Variants in PCDH9 observed in about 807,000 individuals in gnomAD.
The protein encoded by PCDH9 is protocadherin-9.
Under a neutral mutation model 70.6 loss-of-function variants are expected in PCDH9, and 24 were observed. The observed-to-expected ratio is 0.34, with a 90% CI of 0.25 to 0.48. The LOEUF (loss-of-function observed/expected upper bound fraction) is 0.48, where lower values mean the gene tolerates loss of function less well. PCDH9 is among the 20% of genes least tolerant of loss of function. The probability of loss-of-function intolerance (pLI) is 0.99; values close to 1 mark genes in which losing one functional copy is unlikely to be tolerated. For synonymous variants in PCDH9, 562 were observed against 558.5 expected, an observed-to-expected ratio of 1.01 and a Z score of -0.09; for missense variants, 1,281 against 1,503.6, an observed-to-expected ratio of 0.85 and a Z score of 2.45.
At position 66,829,717 on chromosome 13, in the gene PCDH9, C is replaced by CAAAAAAAAAAAAAAAAAAAAA. The variant is rs562176354; in HGVS notation, c.3138+73766_3138+73786dup. On this transcript the variant is annotated intron_variant, in intron 3 of 4. Coordinates refer to ENST00000377865, the MANE Select transcript of PCDH9 (RefSeq NM_203487.3). ...TGGGCGACAGAGCGAGACTCCGTCT[C>CAAAAAAAAAAAAAAAAAAAAA]AAAAAAAAAAAAAAAAAAAAAAAAA... Among the ~76,000 whole-genome samples the CAAAAAAAAAAAAAAAAAAAAA allele has an allele frequency of 2.3e-4, 12 of 53,128 alleles. 1 individual carries two copies. The highest frequency in any genetic ancestry group is 5.0e-4 in the African/African-American group (7 of 14,056). 34.9% of individuals were successfully genotyped at this position (53,128 alleles called of 152,430 possible).
chr13:66,637,540 G>A (rs61960072), intron 3 of PCDH9, among the ~76,000 whole-genome samples: 9 of 152,104 alleles, frequency 5.9e-5, no homozygotes, highest in Admixed American at 1.3e-4. Flanking sequence ...TTTCTATGCT[G>A]TTTATTGGAA....
intron 4 of PCDH9, among the ~76,000 whole-genome samples, chr13:66,580,900 A>G (rs956326952): frequency 1.3e-5 from 2 of 152,160 alleles, no homozygotes; most frequent in Admixed American, 6.6e-5. Flanking sequence ...AGAAGTAACT[A>G]TGAAAGATTA....
intron 4 of PCDH9, among the ~76,000 whole-genome samples, chr13:66,529,662 C>T (rs546366474): frequency 2.0e-5 from 3 of 151,582 alleles, no homozygotes; most frequent in Non-Finnish European, 4.4e-5. Flanking sequence ...GTTTTTTTCC[C>T]GTTTGCAAAA....
chr13:66,809,507 A>G (rs1347334891), intron 3 of PCDH9, among the ~76,000 whole-genome samples: 1 of 152,200 alleles, frequency 6.6e-6, no homozygotes, highest in Non-Finnish European at 1.5e-5. Context: ...AAAACATTCT[A>G]GAGATAAACT....
At chr13:66,872,308 T>C (rs967724106) in intron 3 of PCDH9, among the ~76,000 whole-genome samples, 1 of 152,158 alleles carries the variant, frequency 6.6e-6, no homozygotes, top group Non-Finnish European at 1.5e-5. Flanking sequence ...AGTCAATTCA[T>C]AGGGCAACAT....
intron 2 of PCDH9, among the ~76,000 whole-genome samples, chr13:67,150,238 T>C (rs1197694914): frequency 1.3e-5 from 2 of 152,128 alleles, no homozygotes; most frequent in Non-Finnish European, 1.5e-5. Context: ...GGCTTCACCA[T>C]GTTGGCCAGG....
At chr13:66,318,211 A>AAAT (rs1285287045) in intron 4 of PCDH9, among the ~76,000 whole-genome samples, 1 of 152,216 alleles carries the variant, frequency 6.6e-6, no homozygotes, top group Non-Finnish European at 1.5e-5. Context: ...TTCTCTCTTA[A>AAAT]AATAATAAAT....
chr13:66,932,683 C>T lies in PCDH9; in HGVS notation c.3037-29078G>A, dbSNP rs368338715. Among the ~76,000 whole-genome samples, 261 of 94,288 alleles carry T rather than the reference C, an allele frequency of 2.8e-3. 1 individual carries two copies. The highest frequency in any genetic ancestry group is 0.011 in the African/African-American group (201 of 17,962). The allele number at this position is 94,288 out of a possible 152,430, so 61.9% of individuals were successfully genotyped here. Reference sequence around the variant, plus strand: ...ACATATATATATATATATATATATACACACACACACACGTATGTATATATC... The same window carrying T: ...ACATATATATATATATATATATATATACACACACACACGTATGTATATATC... On this transcript the variant is annotated intron_variant, in intron 2 of 4. Coordinates refer to ENST00000377865, the MANE Select transcript of PCDH9 (RefSeq NM_203487.3).
At chr13:66,903,864 G>A (rs1429968470) in intron 2 of PCDH9, among the ~76,000 whole-genome samples, 1 of 151,728 alleles carries the variant, frequency 6.6e-6, no homozygotes, top group Admixed American at 6.6e-5. Flanking sequence ...CCTTTTTTAG[G>A]CAATATTTAT....
chr13:66,648,752 T>C (rs980444942), intron 3 of PCDH9, among the ~76,000 whole-genome samples: 3 of 152,066 alleles, frequency 2.0e-5, no homozygotes, highest in Non-Finnish European at 4.4e-5. Context: ...GGATCAATCC[T>C]GGAGAGACAG....
chr13:66,676,706 C>G (rs1415593008), intron 3 of PCDH9, among the ~76,000 whole-genome samples: 1 of 152,046 alleles, frequency 6.6e-6, no homozygotes, highest in Non-Finnish European at 1.5e-5. Flanking sequence ...TATCTATTGA[C>G]CAATCTCATA....
At chr13:67,189,614 A>T (rs570802529) in intron 2 of PCDH9, among the ~76,000 whole-genome samples, 1 of 152,092 alleles carries the variant, frequency 6.6e-6, no homozygotes, top group Non-Finnish European at 1.5e-5. Flanking sequence ...TTAGTTACAA[A>T]AATATATACA....
intron 4 of PCDH9, among the ~76,000 whole-genome samples, chr13:66,472,818 T>C (rs1024771169): frequency 6.6e-6 from 1 of 152,096 alleles, no homozygotes. Context: ...GAAAAGAATA[T>C]GAGAATCAAG....
chr13:66,816,962 C>A (rs2080617307), intron 3 of PCDH9, among the ~76,000 whole-genome samples: 1 of 149,452 alleles, frequency 6.7e-6, no homozygotes, highest in Admixed American at 6.7e-5. Context: ...GTTCTGCATC[C>A]TTGAATTCAA....
chr13:66,898,691 T>G (rs964781309), intron 3 of PCDH9, among the ~76,000 whole-genome samples: 6 of 152,040 alleles, frequency 3.9e-5, no homozygotes, highest in Non-Finnish European at 5.9e-5. Context: ...GTATGAATAT[T>G]TTTTTAAAAA....
chr13:66,941,557 A>G (rs1187640148), intron 2 of PCDH9, among the ~76,000 whole-genome samples: 1 of 151,882 alleles, frequency 6.6e-6, no homozygotes, highest in Non-Finnish European at 1.5e-5. Flanking sequence ...AAAAAGATAG[A>G]AAAGATACAT....
intron 3 of PCDH9, among the ~76,000 whole-genome samples, chr13:66,733,421 G>A (rs1199457432): frequency 1.3e-5 from 2 of 151,974 alleles, no homozygotes; most frequent in Non-Finnish European, 2.9e-5. Context: ...TATTTTTGAT[G>A]GATAAATTTA....
At chr13:66,986,978 A>G (rs1167013291) in intron 2 of PCDH9, among the ~76,000 whole-genome samples, 3 of 151,998 alleles carry the variant, frequency 2.0e-5, no homozygotes, top group Admixed American at 1.3e-4. Flanking sequence ...TATATTACCT[A>G]TATCACAGAT....
chr13:66,393,680 A>G (rs933462719), intron 4 of PCDH9, among the ~76,000 whole-genome samples: 3 of 152,244 alleles, frequency 2.0e-5, no homozygotes, highest in African/African-American at 7.2e-5. Context: ...AATGAAATAA[A>G]TGTGCATAAA....
Sources: allele counts gnomAD v4.1 joint callset (sites outside exome capture counted in the v4.1 genomes callset), GRCh38; gene constraint gnomAD v4.1.1; transcripts MANE v1.5; gene names NCBI Gene and HGNC (gene_info 2026-07-23, HGNC 2026-07-21).